Variants in MGAT3 observed in about 807,000 individuals in gnomAD.
MGAT3 encodes the protein beta-1,4-mannosyl-glycoprotein 4-beta-N-acetylglucosaminyltransferase.
A neutral mutation model predicts 29.8 loss-of-function variants in MGAT3; 9 were observed. The ratio of observed to expected loss-of-function variants is 0.30; its 90% CI spans 0.18 to 0.53. The LOEUF is 0.53. MGAT3 is among the 20% of genes least tolerant of loss of function. The pLI is 0.96. For synonymous variants in MGAT3, 397 were observed against 348.9 expected, an observed-to-expected ratio of 1.14 and a Z score of -1.54; for missense variants, 557 against 769.5, an observed-to-expected ratio of 0.72 and a Z score of 3.27.
intron 1 of MGAT3, among the ~76,000 whole-genome samples, chr22:39,477,242 C>T (rs1308257746): frequency 6.6e-6 from 1 of 152,224 alleles, no homozygotes; most frequent in Non-Finnish European, 1.5e-5. Flanking sequence ...GGGGTGAAGC[C>T]TTGGACCAAA....
chr22:39,459,433 C>T (rs559609350), intron 1 of MGAT3, among the ~76,000 whole-genome samples: 14 of 152,094 alleles, frequency 9.2e-5, no homozygotes, highest in African/African-American at 2.4e-4. Flanking sequence ...TTCTGAGCCT[C>T]GGTTTCCACA....
chr22:39,482,176 G>A (rs867003046), intron 1 of MGAT3, among the ~76,000 whole-genome samples: 89 of 142,098 alleles, frequency 6.3e-4, no homozygotes, highest in African/African-American at 2.1e-3. Context: ...TTGTAGAGAC[G>A]GGGTTTAGCC....
Position 39,462,910 on chromosome 22 carries a change from G to T in MGAT3, c.-2+5353G>T, listed in dbSNP as rs562547283. Among the ~76,000 whole-genome samples, 3 of 152,304 alleles carry T rather than the reference G, an allele frequency of 2.0e-5. No individual in the cohort carries two copies. In the East Asian group the frequency reaches 5.8e-4, roughly 29 times the overall value. The stretch of plus-strand genomic sequence containing the variant: ...AAGTGGGAATCCCTTGAGAGGGGTG[G>T]GTGAGGGCCAGGCCAGGGAGACAGA... On this transcript the variant is annotated intron_variant, in intron 1 of 1. Coordinates refer to ENST00000341184, the MANE Select transcript of MGAT3 (RefSeq NM_002409.5).
At chr22:39,484,453 A>AC (rs1929215496) in intron 1 of MGAT3, among the ~76,000 whole-genome samples, 1 of 150,846 alleles carries the variant, frequency 6.6e-6, no homozygotes, top group Admixed American at 6.6e-5. Context: ...GCTCACTGCA[A>AC]CCCCCACGTC....
At position 39,489,250 on chromosome 22, in the gene MGAT3, C is replaced by T. The variant is rs73420207; in HGVS notation, c.*301C>T. 3,336 of 411,128 alleles carry T rather than the reference C, an allele frequency of 8.1e-3. 102 individuals carry two copies. Among genetic ancestry groups the T allele is most frequent in the African/African-American group, 0.057 (2,810 of 48,970 alleles). 25.5% of individuals were successfully genotyped at this position (411,128 alleles called of 1,614,324 possible). A position where few individuals can be genotyped will look rare whatever the true frequency, so the allele number is the denominator to read the frequency against. ...AGTGTGCGTGGTGGTCCCTGGGTAG[C>T]GGGGGAGGGTAGGCAGGATTGGGGA... On this transcript the variant is annotated 3_prime_UTR_variant, in exon 2 of 2. Transcript: ENST00000341184.
At chr22:39,486,059 A>G in intron 1 of MGAT3, 1 of 350,972 alleles carries the variant, frequency 2.8e-6, no homozygotes. Context: ...ACTTGGTTAG[A>G]CTTAGTGTCC....
Position 39,487,548 on chromosome 22 carries a change from T to C in MGAT3, c.201T>C (p.Pro67=). ...TPQASPEPGG[P]DLLRTPLYSH... is the part of the protein sequence containing the mutation. ...AGGCCAGCCCCGAGCCAGGAGGCCC[T>C]GACCTGCTGCGTACCCCACTCTACT... is the stretch of plus-strand genomic sequence containing the variant. Residue 67 remains proline, a synonymous_variant, in exon 2 of 2, where the codon CCT becomes CCC. Coordinates refer to ENST00000341184, the MANE Select transcript of MGAT3 (RefSeq NM_002409.5). This position sits in a 1 kb window ranked among gnomAD's most constrained non-coding sequence, Gnocchi z 5.7. 6.2e-7 allele frequency: 1 copy of C among 1,612,720 alleles called. No individual in the cohort carries two copies. Among genetic ancestry groups the C allele is most frequent in the Non-Finnish European group, 8.5e-7 (1 of 1,179,972 alleles).
At chr22:39,480,549 C>T (rs1459356256) in intron 1 of MGAT3, among the ~76,000 whole-genome samples, 2 of 152,194 alleles carry the variant, frequency 1.3e-5, no homozygotes, top group African/African-American at 4.8e-5. Context: ...CATATCCCAC[C>T]CCGCCCATCC....
Position 39,487,823 on chromosome 22 carries a change from C to G in MGAT3, c.476C>G (p.Thr159Arg), listed in dbSNP as rs754931655. 6.7e-7 allele frequency: 1 copy of G among 1,502,014 alleles called. No homozygotes were observed. Among genetic ancestry groups the G allele is most frequent in the East Asian group, 2.4e-5 (1 of 41,618 alleles). The allele number at this position is 1,502,014 out of a possible 1,614,324, so 93.0% of individuals were successfully genotyped here. ...TACCTCCTGAGCGCCCGGGAGCGCA[C>G]GGGGGGCCGAGGCGCCCGGCGCAAG... ...PRYLLSARERTGGRGARRKWV... is the reference protein window; with the variant it reads ...PRYLLSARERRGGRGARRKWV... Residue 159 changes from threonine to arginine, a missense_variant, in exon 2 of 2, where the codon ACG becomes AGG. Physicochemically the swap from Thr to Arg is moderately conservative, Grantham distance 71 (BLOSUM62 -1). Coordinates refer to ENST00000341184, the MANE Select transcript of MGAT3 (RefSeq NM_002409.5). The surrounding 1 kb of genome is among the most constrained non-coding windows in gnomAD (Gnocchi z 5.7).
In MGAT3 at chr22:39,483,960, G is replaced by A. The variant is rs73885234; in HGVS notation, c.-1-3387G>A. Among the ~76,000 whole-genome samples the A allele has an allele frequency of 2.2e-3, 330 of 152,276 alleles. 2 individuals are homozygous for A. The highest frequency in any genetic ancestry group is 7.7e-3 in the African/African-American group (320 of 41,538). On this transcript the variant is annotated intron_variant, in intron 1 of 1. Transcript: ENST00000341184. ...ATATCTGAGCTCGAATGGGGCAAAC[G>A]CTGCCCTGATTGTCGGGATCAGCAG... is the stretch of plus-strand genomic sequence containing the variant.
intron 1 of MGAT3, among the ~76,000 whole-genome samples, chr22:39,465,842 G>A (rs1382404123): frequency 6.6e-6 from 1 of 151,724 alleles, no homozygotes; most frequent in Non-Finnish European, 1.5e-5. Flanking sequence ...TGAGGCAGGA[G>A]AGTCACTTGA....
At chr22:39,473,204 C>T (rs4820378) in intron 1 of MGAT3, among the ~76,000 whole-genome samples, 90,765 of 152,074 alleles carry the variant, frequency 0.6, 28,517 homozygotes, top group East Asian at 0.99. Flanking sequence ...TGTGCTGCTA[C>T]CACAGAATAC....
In MGAT3 at chr22:39,491,075, G is replaced by T. The variant is rs545069650; in HGVS notation, c.*2126G>T. On this transcript the variant is annotated 3_prime_UTR_variant, in exon 2 of 2. Transcript: ENST00000341184. The surrounding 1 kb of genome is among the most constrained non-coding windows in gnomAD (Gnocchi z 5.5). Reference sequence around the variant, plus strand: ...TGTCCCCTCCCCCCCACCTCCAGTGGGGCTTTCTCCAGATGTCTTATGGTT... The same window carrying T: ...TGTCCCCTCCCCCCCACCTCCAGTGTGGCTTTCTCCAGATGTCTTATGGTT... 6.0e-6 allele frequency: 1 copy of T among 167,392 alleles called. No individual in the cohort carries two copies. Among genetic ancestry groups the T allele is most frequent in the East Asian group, 1.9e-4 (1 of 5,306 alleles). 10.4% of individuals were successfully genotyped at this position (167,392 alleles called of 1,614,324 possible).
chr22:39,458,124 G>A (rs1267684711), intron 1 of MGAT3, among the ~76,000 whole-genome samples: 1 of 152,152 alleles, frequency 6.6e-6, no homozygotes, highest in African/African-American at 2.4e-5. Context: ...TTACCGGGGT[G>A]GGGGCCCCCG....
At chr22:39,478,296 C>G (rs1212413388) in intron 1 of MGAT3, among the ~76,000 whole-genome samples, 1 of 152,224 alleles carries the variant, frequency 6.6e-6, no homozygotes, top group African/African-American at 2.4e-5. Context: ...CCAAAATGCC[C>G]CTCATGGACA....
chr22:39,474,096 G>A (rs1020056953), intron 1 of MGAT3, among the ~76,000 whole-genome samples: 2 of 152,134 alleles, frequency 1.3e-5, no homozygotes, highest in Admixed American at 6.5e-5. Flanking sequence ...GTAGTGGTGG[G>A]AAGGGCTGCC....
At position 39,487,839 on chromosome 22, in the gene MGAT3, C is replaced by T. The variant is rs1239773620; in HGVS notation, c.492C>T (p.Ala164=). The stretch of plus-strand genomic sequence containing the variant: ...GGGAGCGCACGGGGGGCCGAGGCGC[C>T]CGGCGCAAGTGGGTGGAGTGCGTGT... ...SARERTGGRG[A]RRKWVECVCL... is the part of the protein sequence containing the mutation. Residue 164 remains alanine, a synonymous_variant, in exon 2 of 2, where the codon GCC becomes GCT. Coordinates refer to ENST00000341184, the MANE Select transcript of MGAT3 (RefSeq NM_002409.5). The surrounding 1 kb of genome is among the most constrained non-coding windows in gnomAD (Gnocchi z 5.7). The T allele has an allele frequency of 4.0e-6, 6 of 1,515,528 alleles. No individual in the cohort carries two copies. The African/African-American group carries it at 8.3e-5, about 21-fold the overall frequency. 93.9% of individuals were successfully genotyped at this position (1,515,528 alleles called of 1,614,324 possible). A position where few individuals can be genotyped will look rare whatever the true frequency, so the allele number is the denominator to read the frequency against.
At chr22:39,458,070 C>T (rs1038612093) in intron 1 of MGAT3, among the ~76,000 whole-genome samples, 2 of 152,152 alleles carry the variant, frequency 1.3e-5, no homozygotes, top group Non-Finnish European at 1.5e-5. Context: ...GTAGCTACCC[C>T]TGGGGACCAG....
intron 1 of MGAT3, among the ~76,000 whole-genome samples, chr22:39,479,522 G>A (rs1929063675): frequency 6.6e-6 from 1 of 152,198 alleles, no homozygotes. Context: ...GTTGCCCTGA[G>A]ATAGGACAGC....
Sources: allele counts gnomAD v4.1 joint callset (sites outside exome capture counted in the v4.1 genomes callset), GRCh38; gene constraint gnomAD v4.1.1; non-coding constraint Gnocchi (gnomAD v3.1); transcripts MANE v1.5; gene names NCBI Gene and HGNC (gene_info 2026-07-23, HGNC 2026-07-21).